CELSR1: variants seen among roughly 807,000 people sequenced by gnomAD.
CELSR1 encodes cadherin EGF LAG seven-pass G-type receptor 1.
CELSR1 carries 110 observed loss-of-function variants against 249.1 expected under a neutral mutation model. That is an observed-to-expected ratio of 0.44 (90% CI 0.38 to 0.52). The LOEUF (loss-of-function observed/expected upper bound fraction) is 0.52, where lower values mean the gene tolerates loss of function less well. Ranked by LOEUF, CELSR1 falls within the 20% of genes least tolerant of loss-of-function variation. CELSR1 has a pLI of 0.00. For missense variants in CELSR1, 4,109 were observed against 4,296.4 expected (o/e 0.96, Z 1.22); for synonymous variants, 2,113 against 1,900.0 (o/e 1.11, Z -2.92).
Position 46,471,872 on chromosome 22 carries a change from C to T in CELSR1, c.3545-7527G>A, listed in dbSNP as rs933509130. 5.9e-5 allele frequency among the ~76,000 whole-genome samples: 9 copies of T among 152,202 alleles called. No individual in the cohort carries two copies. Among genetic ancestry groups the T allele is most frequent in the African/African-American group, 2.2e-4 (9 of 41,436 alleles). The stretch of plus-strand genomic sequence containing the variant: ...GCCTTCCCTGGGTCTGGGACCTGTA[C>T]AGTTTTCAGGGGCTGCGGTCTGTGG... On this transcript the variant is annotated intron_variant, in intron 1 of 34. Transcript: ENST00000674500. The surrounding 1 kb of genome is among the most constrained non-coding windows in gnomAD (Gnocchi z 4.9).
chr22:46,451,336 T>A (rs1374097740), intron 2 of CELSR1, among the ~76,000 whole-genome samples: 7 of 152,212 alleles, frequency 4.6e-5, no homozygotes, highest in African/African-American at 1.7e-4. Flanking sequence ...GGGCTGGCCT[T>A]CTCTGCGTGA....
In CELSR1 at chr22:46,373,844, G is replaced by A. The variant is rs369003625; in HGVS notation, c.7585-787C>T. Among the ~76,000 whole-genome samples the A allele has an allele frequency of 1.4e-4, 22 of 152,270 alleles. No homozygotes were observed. In the East Asian group the frequency reaches 2.5e-3, roughly 17 times the overall value. The stretch of plus-strand genomic sequence containing the variant: ...CCATCCCATCAGTCCACCCTACCAG[G>A]GGGTCCCAGGGAGATACCCTTTAAC... On this transcript the variant is annotated intron_variant, in intron 24 of 34. Coordinates refer to ENST00000674500, the MANE Select transcript of CELSR1 (RefSeq NM_001378328.1).
intron 2 of CELSR1, among the ~76,000 whole-genome samples, chr22:46,443,014 C>A (rs979102979): frequency 6.6e-6 from 1 of 151,742 alleles, no homozygotes; most frequent in African/African-American, 2.4e-5. Context: ...AGGAGAATGG[C>A]GTGAACGCGG....
rs921152532 is a variant in CELSR1, at chr22:46,490,759, G to A, written c.3545-26414C>T. On this transcript the variant is annotated intron_variant, in intron 1 of 34. Transcript: ENST00000674500. This position sits in a 1 kb window ranked among gnomAD's most constrained non-coding sequence, Gnocchi z 5.2. ...CTGCAGCCACCACAGGGTGCAGAGT[G>A]AGTTTCTGGTTTTGCCGCTCTTGTG... is the stretch of plus-strand genomic sequence containing the variant. Among the ~76,000 whole-genome samples, 2 of 152,164 alleles carry A rather than the reference G, an allele frequency of 1.3e-5. No individual in the cohort carries two copies. Among genetic ancestry groups the A allele is most frequent in the African/African-American group, 4.8e-5 (2 of 41,408 alleles).
At position 46,484,573 on chromosome 22, in the gene CELSR1, G is replaced by A. The variant is rs80164843; in HGVS notation, c.3545-20228C>T. On this transcript the variant is annotated intron_variant, in intron 1 of 34. Coordinates refer to ENST00000674500, the MANE Select transcript of CELSR1 (RefSeq NM_001378328.1). This position sits in a 1 kb window ranked among gnomAD's most constrained non-coding sequence, Gnocchi z 4.5. ...CTCAAGTTAGAGCTGGGGGCAGCCC[G>A]GGACAGCCTGGCAAGGGGCAGCTGC... 9.3e-3 allele frequency among the ~76,000 whole-genome samples: 1,406 copies of A among 150,554 alleles called. 31 individuals are homozygous for A. Among genetic ancestry groups the A allele is most frequent in the African/African-American group, 0.033 (1,336 of 41,050 alleles).
At chr22:46,449,982 A>ACACACACTCACATGCC (rs2079865139) in intron 2 of CELSR1, among the ~76,000 whole-genome samples, 3 of 86,056 alleles carry the variant, frequency 3.5e-5, no homozygotes, top group African/African-American at 1.8e-4. Flanking sequence ...ACTCACATGC[A>ACACACACTCACATGCC]TGCCCACAGG....
chr22:46,367,339 C>G (rs2078797139), intron 28 of CELSR1, among the ~76,000 whole-genome samples: 1 of 152,258 alleles, frequency 6.6e-6, no homozygotes, highest in Non-Finnish European at 1.5e-5. Context: ...CCCCGGTGTG[C>G]TGGAGGCAGT....
chr22:46,469,978 AGG>A (rs2080137755), intron 1 of CELSR1, among the ~76,000 whole-genome samples: 1 of 133,440 alleles, frequency 7.5e-6, no homozygotes, highest in Non-Finnish European at 1.7e-5. Flanking sequence ...GGAGGGAGGG[AGG>A]AGGAGGGGAG....
chr22:46,532,829 C>G (rs1185215682), intron 1 of CELSR1, among the ~76,000 whole-genome samples: 2 of 152,152 alleles, frequency 1.3e-5, no homozygotes, highest in African/African-American at 4.8e-5. Flanking sequence ...TCCCCCTCCC[C>G]AGCACCGCAG....
chr22:46,494,753 C>T (rs1350266366), intron 1 of CELSR1, among the ~76,000 whole-genome samples: 2 of 152,254 alleles, frequency 1.3e-5, no homozygotes, highest in Admixed American at 6.5e-5. Context: ...GTGATCCGCC[C>T]GCCTCGGTCT....
chr22:46,480,651 T>C (rs774570076), intron 1 of CELSR1, among the ~76,000 whole-genome samples: 43 of 152,168 alleles, frequency 2.8e-4, no homozygotes, highest in Non-Finnish European at 5.4e-4. Context: ...CTCTGCAAAC[T>C]CCACCAACTC....
rs1354668729 is a variant in CELSR1 at position 46,374,385 on chromosome 22, C to A, written c.7585-1328G>T. Among the ~76,000 whole-genome samples, 1 of 152,224 alleles carries A rather than the reference C, an allele frequency of 6.6e-6. No individual in the cohort carries two copies. The highest frequency in any genetic ancestry group is 2.4e-5 in the African/African-American group (1 of 41,460). ...CCTGCTTCCCTAACCAATGTACCAC[C>A]TTTTCCAGAAATAGAACAAAGACAA... On this transcript the variant is annotated intron_variant, in intron 24 of 34. Coordinates refer to ENST00000674500, the MANE Select transcript of CELSR1 (RefSeq NM_001378328.1). This position sits in a 1 kb window ranked among gnomAD's most constrained non-coding sequence, Gnocchi z 4.3.
At chr22:46,392,309 G>C (rs1044770862) in intron 14 of CELSR1, among the ~76,000 whole-genome samples, 2 of 152,178 alleles carry the variant, frequency 1.3e-5, no homozygotes, top group Non-Finnish European at 2.9e-5. Flanking sequence ...TGGTCACCGG[G>C]ACTCCCCAGG....
Position 46,365,658 on chromosome 22 carries a change from A to G in CELSR1, c.8332T>C (p.Ser2778Pro), listed in dbSNP as rs748844245. Residue 2778 changes from serine (S) to proline (P), a missense_variant, in exon 31 of 35, where the codon TCT (serine) becomes CCT (proline). By Grantham distance (74) the Ser-to-Pro change is moderately conservative. Transcript: ENST00000674500. ...DEGIQKLGVSSGLVRGSHGEP... is the reference protein window; with the variant it reads ...DEGIQKLGVSPGLVRGSHGEP... ...CCGTGGCTGCCCCTCACCAGCCCAG[A>G]GGACACGCCGAGCTTCTGGATCCCT... The G allele has an allele frequency of 6.3e-7, 1 of 1,586,128 alleles. No individual in the cohort carries two copies. Among genetic ancestry groups the G allele is most frequent in the East Asian group, 2.3e-5 (1 of 43,846 alleles).
chr22:46,413,298 C>G lies in CELSR1; in HGVS notation c.4612-1539G>C, dbSNP rs992113341. 2.6e-5 allele frequency among the ~76,000 whole-genome samples: 4 copies of G among 152,200 alleles called. No individual in the cohort carries two copies. The highest frequency in any genetic ancestry group is 9.7e-5 in the African/African-American group (4 of 41,436). On this transcript the variant is annotated intron_variant, in intron 5 of 34. Coordinates refer to ENST00000674500, the MANE Select transcript of CELSR1 (RefSeq NM_001378328.1). This position sits in a 1 kb window ranked among gnomAD's most constrained non-coding sequence, Gnocchi z 4.7. ...CACACAACTGGAAACAGGAGCTCAG[C>G]CAGATGGCCAAGTTGCATGACTTCT...
chr22:46,467,798 G>C (rs1316619374), intron 1 of CELSR1, among the ~76,000 whole-genome samples: 1 of 151,922 alleles, frequency 6.6e-6, no homozygotes, highest in Admixed American at 6.6e-5. Context: ...CTCCAGCCTG[G>C]GCGACAGAGT....
chr22:46,497,723 G>T (rs540911245), intron 1 of CELSR1, among the ~76,000 whole-genome samples: 14 of 152,092 alleles, frequency 9.2e-5, no homozygotes, highest in Non-Finnish European at 1.5e-4. Flanking sequence ...TTCTGGGGGT[G>T]GGGGACACTG....
At position 46,408,898 on chromosome 22, in the gene CELSR1, T is replaced by G; in HGVS notation, c.5226+98A>C. The stretch of plus-strand genomic sequence containing the variant: ...GGGCGGGCGCCGGAGGAAGGGCGAG[T>G]AGCAGGTGCCCGAGTGTGCACCAGG... On this transcript the variant is annotated intron_variant, in intron 9 of 34. Coordinates refer to ENST00000674500, the MANE Select transcript of CELSR1 (RefSeq NM_001378328.1). The surrounding 1 kb of genome is among the most constrained non-coding windows in gnomAD (Gnocchi z 4.6). 1.0e-6 allele frequency: 1 copy of G among 962,140 alleles called. No homozygotes were observed. The highest frequency in any genetic ancestry group is 1.5e-6 in the Non-Finnish European group (1 of 673,628). 59.6% of individuals were successfully genotyped at this position (962,140 alleles called of 1,614,324 possible).
chr22:46,457,437 A>G (rs2079969387), intron 2 of CELSR1, among the ~76,000 whole-genome samples: 1 of 152,166 alleles, frequency 6.6e-6, no homozygotes, highest in East Asian at 1.9e-4. Context: ...GCCCCGGCCC[A>G]CTGGCGCACA....
Sources: gnomAD v4.1 joint callset for allele counts (sites outside exome capture counted in the v4.1 genomes callset) on GRCh38, gnomAD v4.1.1 for gene constraint, Gnocchi (gnomAD v3.1) non-coding constraint, MANE v1.5 for transcripts, NCBI Gene and HGNC (gene_info 2026-07-23, HGNC 2026-07-21) for gene names.